PCDH15: variants seen among roughly 807,000 people sequenced by gnomAD.
PCDH15 encodes protocadherin-15.
Under a neutral mutation model 178.5 loss-of-function variants are expected in PCDH15, and 129 were observed. The ratio of observed to expected loss-of-function variants is 0.72; its 90% CI spans 0.63 to 0.84. The LOEUF (loss-of-function observed/expected upper bound fraction) is 0.84. Ranked by LOEUF, PCDH15 falls within the 40% of genes least tolerant of loss-of-function variation. The pLI, the probability that PCDH15 is intolerant of heterozygous loss-of-function variation, is 0.00. For missense variants in PCDH15, 2,230 were observed against 2,099.9 expected (o/e 1.06, Z -1.21); for synonymous variants, 800 against 732.0 (o/e 1.09, Z -1.50).
At chr10:54,196,431 C>T (rs374976260) in intron 10 of PCDH15, among the ~76,000 whole-genome samples, 6 of 152,254 alleles carry the variant, frequency 3.9e-5, no homozygotes, top group African/African-American at 1.2e-4. Flanking sequence ...CGTGAGCCAC[C>T]GCGCCCAGCC....
chr10:55,037,930 G>T (rs1840777561), intron 2 of PCDH15, among the ~76,000 whole-genome samples: 1 of 152,082 alleles, frequency 6.6e-6, no homozygotes, highest in Non-Finnish European at 1.5e-5. Flanking sequence ...TCAGAAGTTT[G>T]TACCCATATT....
intron 3 of PCDH15, among the ~76,000 whole-genome samples, chr10:54,427,580 T>C (rs1474599694): frequency 1.3e-5 from 2 of 152,072 alleles, no homozygotes; most frequent in African/African-American, 2.4e-5. Flanking sequence ...GCCTGGCCCC[T>C]ATCCTCTCAT....
chr10:55,055,343 A>G (rs1189428694), intron 2 of PCDH15, among the ~76,000 whole-genome samples: 2 of 152,190 alleles, frequency 1.3e-5, no homozygotes, highest in Non-Finnish European at 2.9e-5. Context: ...ACAAATGAGT[A>G]CCTGCAGAAG....
chr10:54,257,403 C>CTTTTTTTTTTTTTTTT (rs71461225), intron 8 of PCDH15, among the ~76,000 whole-genome samples: 32 of 126,014 alleles, frequency 2.5e-4, no homozygotes, highest in African/African-American at 9.1e-4. Flanking sequence ...GAATTGTCTT[C>CTTTTTTTTTTTTTTTT]TTTTTTTTTT....
intron 2 of PCDH15, among the ~76,000 whole-genome samples, chr10:55,524,662 T>C (rs546355908): frequency 6.6e-6 from 1 of 151,586 alleles, no homozygotes; most frequent in Admixed American, 6.6e-5. Flanking sequence ...CATCTTATTG[T>C]AGGATGAAAT....
chr10:54,013,685 A>G (rs2092657660), intron 20 of PCDH15, among the ~76,000 whole-genome samples: 1 of 152,172 alleles, frequency 6.6e-6, no homozygotes. Flanking sequence ...ATTAAGGCAG[A>G]AATAAAATAT....
intron 20 of PCDH15, among the ~76,000 whole-genome samples, chr10:54,008,104 T>C (rs191354170): frequency 6.6e-6 from 1 of 152,306 alleles, no homozygotes; most frequent in African/African-American, 2.4e-5. Context: ...GGAAAGCAAG[T>C]GTCAGTCTAC....
At chr10:54,514,045 G>A (rs1397347591) in intron 3 of PCDH15, among the ~76,000 whole-genome samples, 2 of 152,036 alleles carry the variant, frequency 1.3e-5, no homozygotes, top group Non-Finnish European at 2.9e-5. Flanking sequence ...TTTTATATAG[G>A]GAATTCTTCT....
chr10:54,038,106 T>C (rs181732569), intron 18 of PCDH15, among the ~76,000 whole-genome samples: 1 of 152,108 alleles, frequency 6.6e-6, no homozygotes, highest in Admixed American at 6.6e-5. Context: ...TTTTGAATTA[T>C]GACACACATA....
intron 2 of PCDH15, among the ~76,000 whole-genome samples, chr10:55,090,471 A>G (rs1182342463): frequency 9.2e-5 from 14 of 152,054 alleles, no homozygotes; most frequent in Non-Finnish European, 1.8e-4. Context: ...CTAAATCTGT[A>G]TTTAACAGCA....
At position 55,459,370 on chromosome 10, in the gene PCDH15, C is replaced by T. The variant is rs983229574; in HGVS notation, c.-156+168255G>A. Among the ~76,000 whole-genome samples the T allele has an allele frequency of 9.2e-5, 14 of 152,010 alleles. No individual in the cohort carries two copies. In the East Asian group the frequency reaches 1.7e-3, roughly 19 times the overall value. On this transcript the variant is annotated intron_variant, in intron 2 of 5. Transcript: ENST00000613346. Reference sequence around the variant, plus strand: ...GAACCAGAAAAATGCAGTTTTCTCCCGCTTATCTGAAATCCAATGGAGTAA... The same window carrying T: ...GAACCAGAAAAATGCAGTTTTCTCCTGCTTATCTGAAATCCAATGGAGTAA...
At chr10:54,264,457 T>C (rs1289350173) in intron 8 of PCDH15, among the ~76,000 whole-genome samples, 2 of 152,036 alleles carry the variant, frequency 1.3e-5, no homozygotes, top group Non-Finnish European at 2.9e-5. Flanking sequence ...ACTCAGAAGA[T>C]GGATGGCAAG....
intron 35 of PCDH15, among the ~76,000 whole-genome samples, chr10:53,814,699 C>T (rs921721900): frequency 1.3e-5 from 2 of 152,108 alleles, no homozygotes; most frequent in African/African-American, 2.4e-5. Flanking sequence ...GGTGCGGTGG[C>T]TCACGCCTGT....
At chr10:54,652,652 G>A (rs75188681) in intron 2 of PCDH15, among the ~76,000 whole-genome samples, 9,878 of 152,204 alleles carry the variant, frequency 0.065, 389 homozygotes, top group South Asian at 0.15. Flanking sequence ...AGGACACAAG[G>A]AGAGACATCA....
rs752849701 is a variant in PCDH15, at chr10:54,324,797, T to C, written c.705+4799A>G. ...ATAAATAAATTATAAAATAAGTAAA[T>C]ATAAACTTTTTTCTTTCTGGTAATT... On this transcript the variant is annotated intron_variant, in intron 7 of 37. Coordinates refer to ENST00000644397, the MANE Select transcript of PCDH15 (RefSeq NM_001384140.1). Among the ~76,000 whole-genome samples, 32 of 152,042 alleles carry C rather than the reference T, an allele frequency of 2.1e-4. No individual in the cohort carries two copies. The East Asian group carries it at 2.7e-3, about 13-fold the overall frequency.
chr10:55,077,449 TC>T (rs111818123), intron 2 of PCDH15, among the ~76,000 whole-genome samples: 15 of 121,828 alleles, frequency 1.2e-4, no homozygotes, highest in African/African-American at 2.9e-4. Flanking sequence ...CTTCCTTCCT[TC>T]CCTTCCTTCC....
At chr10:54,785,195 T>C (rs1286093664) in intron 1 of PCDH15, among the ~76,000 whole-genome samples, 2 of 152,084 alleles carry the variant, frequency 1.3e-5, no homozygotes, top group East Asian at 3.9e-4. Context: ...TAACTTCTTG[T>C]TCTCAAACTT....
intron 2 of PCDH15, among the ~76,000 whole-genome samples, chr10:54,661,238 A>G (rs2094485993): frequency 6.6e-6 from 1 of 152,078 alleles, no homozygotes; most frequent in Non-Finnish European, 1.5e-5. Context: ...AGTTTCATTT[A>G]CATAGATCGA....
intron 2 of PCDH15, among the ~76,000 whole-genome samples, chr10:55,131,357 G>A (rs1255393923): frequency 6.6e-6 from 1 of 152,182 alleles, no homozygotes; most frequent in Non-Finnish European, 1.5e-5. Flanking sequence ...GAACTGCAGA[G>A]CCCCAAAGAG....
Sources: allele counts gnomAD v4.1 joint callset (sites outside exome capture counted in the v4.1 genomes callset), GRCh38; gene constraint gnomAD v4.1.1; transcripts MANE v1.5; gene names NCBI Gene and HGNC (gene_info 2026-07-23, HGNC 2026-07-21).